The following PIGQ variants were observed in gnomAD, a reference collection of about 807,000 sequenced individuals.
PIGQ encodes the protein phosphatidylinositol N-acetylglucosaminyltransferase subunit Q.
Under a neutral mutation model 60.3 loss-of-function variants are expected in PIGQ, and 54 were observed. The observed-to-expected ratio is 0.90, with a 90% CI of 0.72 to 1.12. PIGQ has a LOEUF of 1.12. Among genes scored for constraint, PIGQ ranks in the 50% most tolerant of loss-of-function variants. PIGQ has a pLI of 0.00. For missense variants in PIGQ, 799 were observed against 793.5 expected (o/e 1.01, Z -0.08); for synonymous variants, 416 against 363.7 (o/e 1.14, Z -1.64).
chr16:583,923 C>T lies in PIGQ; in HGVS notation c.*888C>T, dbSNP rs2035858999. 1 of 481,400 alleles carries T rather than the reference C, an allele frequency of 2.1e-6. No homozygotes were observed. The highest frequency in any genetic ancestry group is 3.9e-5 in the East Asian group (1 of 25,620). 29.8% of individuals were successfully genotyped at this position (481,400 alleles called of 1,614,324 possible). A position where few individuals can be genotyped will look rare whatever the true frequency, so the allele number is the denominator to read the frequency against. On this transcript the variant is annotated 3_prime_UTR_variant, in exon 11 of 11. Transcript: ENST00000321878. ...ACGGCACGGTCTGGGTGCGGGTGTT[C>T]CCTGTGAGCCCGAGTCCGCTTCAGG... is the stretch of plus-strand genomic sequence containing the variant.
chr16:570,709 C>T (rs12149498), intron 1 of PIGQ: 33,822 of 152,270 alleles, frequency 0.22, 4,726 homozygotes, highest in East Asian at 0.6. Flanking sequence ...AGTGATCCGC[C>T]CGCCTCGGCC....
At position 574,588 on chromosome 16, in the gene PIGQ, A is replaced by G. The variant is rs1008809041; in HGVS notation, c.514A>G (p.Ser172Gly). ...LAAVFDTVAR[S>G]EVLFRSDRFD... The stretch of plus-strand genomic sequence containing the variant: ...TGCCGTCTTCGACACGGTAGCACGC[A>G]GTGAGGTGCTCTTCCGCAGTGACCG... The change falls in exon 2 of 11, where the codon AGT (serine) becomes GGT (glycine). Residue 172 changes from serine to glycine, a missense_variant. Transcript: ENST00000321878. 7.5e-6 allele frequency: 12 copies of G among 1,604,850 alleles called. No individual in the cohort carries two copies. Among genetic ancestry groups the G allele is most frequent in the Non-Finnish European group, 9.3e-6 (11 of 1,176,706 alleles).
At chr16:582,784 A>G (rs2035833760) in intron 10 of PIGQ, 99 bp from the exon 11 acceptor site, 3 of 1,261,304 alleles carry the variant, frequency 2.4e-6, no homozygotes, top group Non-Finnish European at 2.2e-6. Flanking sequence ...TGTCTGAGAC[A>G]GCACTGGCCC....
At chr16:577,537 A>G (rs2035740686) in intron 4 of PIGQ, among the ~76,000 whole-genome samples, 1 of 150,244 alleles carries the variant, frequency 6.7e-6, no homozygotes, top group South Asian at 2.1e-4. Context: ...AGATCTCACC[A>G]CTGCACTCCA....
chr16:572,117 G>A (rs1419334733), intron 1 of PIGQ, among the ~76,000 whole-genome samples: 2 of 152,306 alleles, frequency 1.3e-5, no homozygotes, highest in African/African-American at 2.4e-5. Context: ...TCCCCAGCAG[G>A]GCGTGATGGG....
At chr16:580,079 C>T (rs999195829) in intron 7 of PIGQ, 104 bp from the exon 8 acceptor site, 17 of 793,450 alleles carry the variant, frequency 2.1e-5, no homozygotes, top group Non-Finnish European at 2.9e-5. Context: ...CTCAGGAAGC[C>T]GCAAGGTCCC....
intron 6 of PIGQ, 32 bp downstream of exon 6, chr16:578,970 C>CCT (rs2035767683): frequency 6.5e-7 from 1 of 1,542,108 alleles, no homozygotes; most frequent in African/African-American, 1.4e-5. Flanking sequence ...CCCACCGCCC[C>CCT]CTGGGAGGTG....
Position 583,924 on chromosome 16 carries a change from C to G in PIGQ, c.*889C>G, listed in dbSNP as rs950307708. On this transcript the variant is annotated 3_prime_UTR_variant, in exon 11 of 11. Transcript: ENST00000321878. Reference sequence around the variant, plus strand: ...CGGCACGGTCTGGGTGCGGGTGTTCCCTGTGAGCCCGAGTCCGCTTCAGGA... The same window carrying G: ...CGGCACGGTCTGGGTGCGGGTGTTCGCTGTGAGCCCGAGTCCGCTTCAGGA... The G allele has an allele frequency of 1.1e-4, 51 of 481,140 alleles. No homozygotes were observed. Among genetic ancestry groups the G allele is most frequent in the Non-Finnish European group, 1.9e-4 (50 of 259,260 alleles). The allele number at this position is 481,140 out of a possible 1,614,324, so 29.8% of individuals were successfully genotyped here.
At chr16:575,380 G>A (rs2035700210) in intron 2 of PIGQ, among the ~76,000 whole-genome samples, 1 of 152,206 alleles carries the variant, frequency 6.6e-6, no homozygotes, top group Admixed American at 6.5e-5. Flanking sequence ...CTGCCTGGCG[G>A]AGGTGCCCCA....
At chr16:571,237 G>A (rs2035618783) in intron 1 of PIGQ, among the ~76,000 whole-genome samples, 1 of 149,274 alleles carries the variant, frequency 6.7e-6, no homozygotes, top group Non-Finnish European at 1.5e-5. Context: ...GCCTGTGTGT[G>A]TGTGTGTGTG....
chr16:571,525 G>A (rs1408834525), intron 1 of PIGQ, among the ~76,000 whole-genome samples: 1 of 76,072 alleles, frequency 1.3e-5, no homozygotes. Flanking sequence ...TGTGTGTCTG[G>A]CTAGCCTGGC....
intron 4 of PIGQ, 112 bp downstream of exon 4, chr16:576,366 TC>T: frequency 7.9e-7 from 1 of 1,270,410 alleles, no homozygotes; most frequent in Non-Finnish European, 1.1e-6. Flanking sequence ...TTCTACCTTC[TC>T]CATGCTCTGG....
chr16:574,644 C>CAG lies in PIGQ; in HGVS notation c.570_571insAG (p.Trp191SerfsTer70). 1 of 1,608,178 alleles carries CAG rather than the reference C, an allele frequency of 6.2e-7. No individual in the cohort carries two copies. The highest frequency in any genetic ancestry group is 8.5e-7 in the Non-Finnish European group (1 of 1,178,964). On this transcript the variant is annotated frameshift_variant, in exon 2 of 11. Transcript: ENST00000321878. LOFTEE classifies it high-confidence loss of function. The stretch of plus-strand genomic sequence containing the variant: ...ATGAGGGCCCCGTGCGGCTGAGCCA[C>CAG]TGGCAGTCGGAGGGCGTGGAGGCCA...
At chr16:579,427 C>T in intron 7 of PIGQ, 1 of 479,504 alleles carries the variant, frequency 2.1e-6, no homozygotes, top group Non-Finnish European at 3.7e-6. Flanking sequence ...AGGCACAGGC[C>T]CTAGAGGTGC....
chr16:582,296 G>C lies in PIGQ; in HGVS notation c.1580G>C (p.Arg527Pro), dbSNP rs745593701. The C allele has an allele frequency of 6.2e-6, 10 of 1,600,556 alleles. No homozygotes were observed. The highest frequency in any genetic ancestry group is 8.5e-6 in the Non-Finnish European group (10 of 1,172,380). Residue 527 changes from arginine to proline, a missense_variant, in exon 10 of 11, where the codon CGC (arginine) becomes CCC (proline). By Grantham distance (103) the Arg-to-Pro change is moderately radical. Transcript: ENST00000321878. ...VLRHEAGRPL[R>P]LLMQINPLPY... Reference sequence around the variant, plus strand: ...CGGCACGAGGCCGGCAGGCCCCTCCGCCTCCTGATGCAGGTGAGGCCCCTT... The same window carrying C: ...CGGCACGAGGCCGGCAGGCCCCTCCCCCTCCTGATGCAGGTGAGGCCCCTT...
At position 574,110 on chromosome 16, in the gene PIGQ, C is replaced by T; in HGVS notation, c.36C>T (p.Val12=). Residue 12 remains valine, a synonymous_variant, in exon 2 of 11, where the codon GTC becomes GTT. Coordinates refer to ENST00000321878, the MANE Select transcript of PIGQ (RefSeq NM_004204.5). Reference sequence around the variant, plus strand: ...AGGCCTTCTTCCCCACGTGCTGCGTCTCGACGGACAGCGGGCTGCTGGTGG... The same window carrying T: ...AGGCCTTCTTCCCCACGTGCTGCGTTTCGACGGACAGCGGGCTGCTGGTGG... ...VLKAFFPTCC[V]STDSGLLVGR... is the part of the protein sequence containing the mutation. 2 of 1,610,050 alleles carry T rather than the reference C, an allele frequency of 1.2e-6. No homozygotes were observed. The highest frequency in any genetic ancestry group is 1.7e-6 in the Non-Finnish European group (2 of 1,179,116).
At chr16:577,502 G>A (rs578160532) in intron 4 of PIGQ, among the ~76,000 whole-genome samples, 57 of 149,366 alleles carry the variant, frequency 3.8e-4, no homozygotes, top group African/African-American at 1.1e-3. Context: ...GCGTGAACCC[G>A]GGAGGCAGAG....
intron 5 of PIGQ, 121 bp from the exon 6 acceptor site, chr16:578,664 T>G: frequency 7.0e-7 from 1 of 1,423,386 alleles, no homozygotes; most frequent in Non-Finnish European, 9.7e-7. Context: ...CCTGGGCACC[T>G]CCCGAGGGCT....
At position 574,630 on chromosome 16, in the gene PIGQ, G is replaced by T. The variant is rs369384971; in HGVS notation, c.556G>T (p.Val186Leu). 4 of 1,606,990 alleles carry T rather than the reference G, an allele frequency of 2.5e-6. No homozygotes were observed. In the African/African-American group the frequency reaches 5.3e-5, roughly 21 times the overall value. The change falls in exon 2 of 11, where the codon GTG (valine) becomes TTG (leucine). Residue 186 changes from valine to leucine, a missense_variant. Transcript: ENST00000321878. ...FRSDRFDEGP[V>L]RLSHWQSEGV... ...CAGTGACCGCTTTGATGAGGGCCCC[G>T]TGCGGCTGAGCCACTGGCAGTCGGA...
Sources: allele counts gnomAD v4.1 joint callset (sites outside exome capture counted in the v4.1 genomes callset), GRCh38; gene constraint gnomAD v4.1.1; transcripts MANE v1.5; gene names NCBI Gene and HGNC (gene_info 2026-07-23, HGNC 2026-07-21).